The following TNIP1 variants were observed in gnomAD, a reference collection of about 807,000 sequenced individuals.
The protein encoded by TNIP1 is TNFAIP3-interacting protein 1.
TNIP1 carries 22 observed loss-of-function variants against 86.6 expected under a neutral mutation model. The observed-to-expected ratio is 0.25, with a 90% CI of 0.18 to 0.36. TNIP1 has a LOEUF of 0.36. TNIP1 is among the 10% of genes least tolerant of loss of function. TNIP1 has a pLI of 1.00. For synonymous variants in TNIP1, 294 were observed against 313.0 expected (o/e 0.94, Z 0.64); for missense variants, 709 against 820.6 (o/e 0.86, Z 1.66).
Position 151,033,595 on chromosome 5 carries a change from G to C in TNIP1, c.1779+13C>G. The C allele has an allele frequency of 5.2e-6, 7 of 1,348,792 alleles. No individual in the cohort carries two copies. The highest frequency in any genetic ancestry group is 6.8e-6 in the Non-Finnish European group (7 of 1,032,802). The allele number at this position is 1,348,792 out of a possible 1,614,324, so 83.6% of individuals were successfully genotyped here. On this transcript the variant is annotated intron_variant, in intron 16 of 17. Transcript: ENST00000521591. ...TGTGTGTGCCCTGGAGCAAGGGAGG[G>C]ACACAGACTCACCAGATGGAAGAGG...
At chr5:151,053,030 A>G (rs1760153531) in intron 6 of TNIP1, among the ~76,000 whole-genome samples, 1 of 150,590 alleles carries the variant, frequency 6.6e-6, no homozygotes, top group African/African-American at 2.4e-5. Flanking sequence ...GGACCTCACT[A>G]TGCCCTCACG....
At chr5:151,086,824 A>C (rs3792779) in intron 1 of TNIP1, among the ~76,000 whole-genome samples, 61,987 of 152,198 alleles carry the variant, frequency 0.41, 12,860 homozygotes, top group East Asian at 0.49. Flanking sequence ...AGGCAAGGCC[A>C]GAAGAAGAGG....
chr5:151,052,853 C>T (rs771528932), intron 6 of TNIP1, among the ~76,000 whole-genome samples: 1 of 152,152 alleles, frequency 6.6e-6, no homozygotes, highest in Admixed American at 6.6e-5. Flanking sequence ...AGATCCCCAG[C>T]CCCCAGCTCA....
chr5:151,074,225 T>A (rs935989764), intron 1 of TNIP1, among the ~76,000 whole-genome samples: 18 of 152,014 alleles, frequency 1.2e-4, no homozygotes, highest in Non-Finnish European at 2.5e-4. Flanking sequence ...TAATTTTTTT[T>A]AAAGGGAAAT....
upstream of TNIP1, among the ~76,000 whole-genome samples, chr5:151,084,253 TG>T (rs1764188878): frequency 6.6e-6 from 1 of 152,164 alleles, no homozygotes; most frequent in Non-Finnish European, 1.5e-5. Context: ...AAGACCAGCC[TG>T]GCCAACATGG....
At chr5:151,053,039 C>T (rs1226617347) in intron 6 of TNIP1, among the ~76,000 whole-genome samples, 1 of 151,736 alleles carries the variant, frequency 6.6e-6, no homozygotes, top group East Asian at 1.9e-4. Flanking sequence ...TATGCCCTCA[C>T]GCCCTCACAA....
intron 2 of TNIP1, among the ~76,000 whole-genome samples, chr5:151,064,018 G>T (rs1055065289): frequency 2.6e-5 from 4 of 152,144 alleles, no homozygotes; most frequent in Non-Finnish European, 5.9e-5. Flanking sequence ...CCAACCCCCA[G>T]CATTCTCTTT....
intron 1 of TNIP1, among the ~76,000 whole-genome samples, chr5:151,067,946 T>C (rs943675800): frequency 1.2e-4 from 19 of 152,294 alleles, no homozygotes; most frequent in African/African-American, 3.9e-4. Flanking sequence ...GGATGCAGGA[T>C]GTGGGAACTG....
chr5:151,067,420 G>A (rs538637018), intron 1 of TNIP1, among the ~76,000 whole-genome samples: 1 of 152,328 alleles, frequency 6.6e-6, no homozygotes, highest in East Asian at 1.9e-4. Flanking sequence ...GCACATCTTT[G>A]TATTCCTGTC....
intron 1 of TNIP1, among the ~76,000 whole-genome samples, chr5:151,067,193 G>A (rs928881023): frequency 2.0e-5 from 3 of 152,228 alleles, no homozygotes; most frequent in Non-Finnish European, 4.4e-5. Context: ...AGCACAAAGT[G>A]CAGATGTTTC....
chr5:151,055,853 G>A (rs1430143236), intron 6 of TNIP1, among the ~76,000 whole-genome samples: 4 of 152,166 alleles, frequency 2.6e-5, no homozygotes, highest in South Asian at 2.1e-4. Flanking sequence ...CTCAGATCAC[G>A]AGCAGTCCCT....
Position 151,064,041 on chromosome 5 carries a change from C to G in TNIP1, c.137-294G>C, listed in dbSNP as rs1013844638. Among the ~76,000 whole-genome samples the G allele has an allele frequency of 4.6e-5, 7 of 152,196 alleles. 1 individual carries two copies. Among genetic ancestry groups the G allele is most frequent in the Non-Finnish European group, 1.0e-4 (7 of 68,024 alleles). On this transcript the variant is annotated intron_variant, in intron 2 of 17. Transcript: ENST00000521591. ...CAGCATTCTCTTTCTGCCCCACTCC[C>G]TTCACACCCAGCCAGGGCACTCCAC...
intron 11 of TNIP1, among the ~76,000 whole-genome samples, chr5:151,042,151 C>T (rs778022361): frequency 1.3e-5 from 2 of 151,914 alleles, no homozygotes; most frequent in Non-Finnish European, 2.9e-5. Context: ...ATGTTGGCCA[C>T]GCTGATCTTG....
intron 5 of TNIP1, 104 bp from the exon 6 acceptor site, chr5:151,057,061 C>T: frequency 2.6e-6 from 3 of 1,169,144 alleles, no homozygotes; most frequent in Non-Finnish European, 3.3e-6. Context: ...TCAGTTTCCC[C>T]CTGTGACCCC....
chr5:151,057,250 T>C (rs976050790), intron 5 of TNIP1, among the ~76,000 whole-genome samples: 6 of 152,116 alleles, frequency 3.9e-5, no homozygotes, highest in African/African-American at 1.4e-4. Flanking sequence ...GACCTCAGCA[T>C]CCTCATCTAC....
At chr5:151,073,984 C>G (rs77864279) in intron 1 of TNIP1, among the ~76,000 whole-genome samples, 2,454 of 152,218 alleles carry the variant, frequency 0.016, 76 homozygotes, top group African/African-American at 0.056. Context: ...AGAAGGACCT[C>G]GGTAAGGAAC....
At chr5:151,034,230 GGCTGGTACATGGGCACGGAAA>G in intron 15 of TNIP1, among the ~76,000 whole-genome samples, 1 of 149,634 alleles carries the variant, frequency 6.7e-6, no homozygotes, top group South Asian at 2.1e-4. Context: ...GGACACGGAA[GGCTGGTACATGGGCACGGAAA>G]GCTAGTACAT....
At chr5:151,057,684 T>C (rs548833856) in intron 5 of TNIP1, among the ~76,000 whole-genome samples, 2 of 152,246 alleles carry the variant, frequency 1.3e-5, no homozygotes, top group South Asian at 2.1e-4. Context: ...ACCACAGCAC[T>C]CCAGCCTGGG....
At chr5:151,031,987 T>A (rs113759902) in intron 17 of TNIP1, 1 of 282,062 alleles carries the variant, frequency 3.5e-6, no homozygotes, top group African/African-American at 2.2e-5. Context: ...GTTTATTCAT[T>A]TCTGCCTCCC....
Sources: gnomAD v4.1 joint callset for allele counts (sites outside exome capture counted in the v4.1 genomes callset) on GRCh38, gnomAD v4.1.1 for gene constraint, MANE v1.5 for transcripts, NCBI Gene and HGNC (gene_info 2026-07-23, HGNC 2026-07-21) for gene names.